RBFOX1: variants seen among roughly 807,000 people sequenced by gnomAD.
The protein encoded by RBFOX1 is RNA binding fox-1 homolog 1, also known as RNA binding protein fox-1 homolog 1.
In RBFOX1, 8 loss-of-function variants were observed where a neutral mutation model predicts 57.7. The observed-to-expected ratio is 0.14, with a 90% CI of 0.08 to 0.25. The LOEUF is 0.25. Ranked by LOEUF, RBFOX1 falls within the 10% of genes least tolerant of loss-of-function variation. The pLI, the probability that RBFOX1 is intolerant of heterozygous loss-of-function variation, is 1.00. For synonymous variants in RBFOX1, 326 were observed against 222.4 expected (o/e 1.47, Z -4.15); for missense variants, 611 against 548.5 (o/e 1.11, Z -1.14).
chr16:5,436,923 C>T (rs1216515782), intron 1 of RBFOX1, among the ~76,000 whole-genome samples: 1 of 152,146 alleles, frequency 6.6e-6, no homozygotes, highest in Non-Finnish European at 1.5e-5. Flanking sequence ...ATGTCAGTCT[C>T]AAGAGTCTTT....
At chr16:7,388,165 A>T (rs2097916233) in intron 4 of RBFOX1, among the ~76,000 whole-genome samples, 1 of 152,132 alleles carries the variant, frequency 6.6e-6, no homozygotes, top group Non-Finnish European at 1.5e-5. Flanking sequence ...CTGATCTCAG[A>T]TTGCATGGAG....
chr16:7,639,852 C>A (rs1267263846), intron 11 of RBFOX1, among the ~76,000 whole-genome samples: 1 of 152,138 alleles, frequency 6.6e-6, no homozygotes, highest in Non-Finnish European at 1.5e-5. Flanking sequence ...GCCATGCTCT[C>A]CCTGCCACCT....
chr16:6,955,124 C>T (rs1323757364), intron 3 of RBFOX1, among the ~76,000 whole-genome samples: 1 of 151,472 alleles, frequency 6.6e-6, no homozygotes, highest in Non-Finnish European at 1.5e-5. Flanking sequence ...GCCTGTAGTC[C>T]CAGCTACTTG....
chr16:5,342,764 C>T (rs1283954102), intron 1 of RBFOX1, among the ~76,000 whole-genome samples: 1 of 152,182 alleles, frequency 6.6e-6, no homozygotes, highest in Non-Finnish European at 1.5e-5. Flanking sequence ...TCCAAACCTT[C>T]ATTAAGATTG....
chr16:7,479,156 G>C (rs1490093710), intron 4 of RBFOX1, among the ~76,000 whole-genome samples: 4 of 151,472 alleles, frequency 2.6e-5, no homozygotes, highest in Admixed American at 6.6e-5. Flanking sequence ...CAGGGTCTCG[G>C]TCTGTTGCCT....
chr16:5,702,471 G>C (rs1051877930), intron 3 of RBFOX1, among the ~76,000 whole-genome samples: 1 of 152,138 alleles, frequency 6.6e-6, no homozygotes, highest in South Asian at 2.1e-4. Flanking sequence ...ATATCACCTT[G>C]GTAATCAATT....
intron 4 of RBFOX1, among the ~76,000 whole-genome samples, chr16:7,178,264 G>A (rs980190612): frequency 2.0e-5 from 3 of 152,178 alleles, no homozygotes; most frequent in South Asian, 4.1e-4. Flanking sequence ...TCAGCCTGTC[G>A]CTTTAGTTTC....
intron 5 of RBFOX1, among the ~76,000 whole-genome samples, chr16:7,520,209 A>C (rs2152234881): frequency 6.6e-6 from 1 of 152,302 alleles, no homozygotes; most frequent in African/African-American, 2.4e-5. Flanking sequence ...TTTTAAAAAA[A>C]TGGTATACAT....
intron 4 of RBFOX1, among the ~76,000 whole-genome samples, chr16:7,404,028 C>CTTTTATTTTATTTCCTTTTA (rs2098291369): frequency 1.5e-5 from 2 of 129,964 alleles, no homozygotes; most frequent in Non-Finnish European, 3.2e-5. Context: ...ATTTCATTTC[C>CTTTTATTTTATTTCCTTTTA]TTTTATTTTA....
intron 2 of RBFOX1, among the ~76,000 whole-genome samples, chr16:6,524,318 C>G (rs2096549294): frequency 6.6e-6 from 1 of 152,198 alleles, no homozygotes; most frequent in South Asian, 2.1e-4. Flanking sequence ...TTGCAAATGA[C>G]TGTATCTCGT....
chr16:6,599,883 C>T (rs2097828637), intron 2 of RBFOX1, among the ~76,000 whole-genome samples: 1 of 152,188 alleles, frequency 6.6e-6, no homozygotes, highest in African/African-American at 2.4e-5. Context: ...TAGAACAGCA[C>T]CCTGCACATA....
chr16:6,898,851 G>A (rs1034054579), intron 3 of RBFOX1, among the ~76,000 whole-genome samples: 1 of 150,038 alleles, frequency 6.7e-6, no homozygotes, highest in East Asian at 2.0e-4. Context: ...GCATGTGTAT[G>A]TGTAATATAT....
rs146965622 is a variant in RBFOX1, at chr16:5,415,517, C to T, written c.220-51699C>T. Among the ~76,000 whole-genome samples the T allele has an allele frequency of 1.6e-3, 249 of 152,328 alleles. 9 individuals carry two copies. In the South Asian group the frequency reaches 0.049, roughly 30 times the overall value. ...CTGGGTTGCAAACTCAGGGATCCAACTCCAGGACCTGCTCTCCTCATTGTA... is the reference window on the plus strand; with the variant it reads ...CTGGGTTGCAAACTCAGGGATCCAATTCCAGGACCTGCTCTCCTCATTGTA... On this transcript the variant is annotated intron_variant, in intron 1 of 2. Coordinates refer to the RBFOX1 transcript ENST00000585867.
intron 2 of RBFOX1, among the ~76,000 whole-genome samples, chr16:5,577,974 AC>A (rs2046524943): frequency 5.8e-5 from 2 of 34,236 alleles, no homozygotes; most frequent in African/African-American, 1.7e-4. Flanking sequence ...TTCTTTTGAG[AC>A]AGAGTCTCTC....
intron 1 of RBFOX1, among the ~76,000 whole-genome samples, chr16:6,081,687 CTT>C (rs1207216471): frequency 1.3e-5 from 2 of 152,118 alleles, no homozygotes; most frequent in Non-Finnish European, 2.9e-5. Context: ...TTGAAACTGA[CTT>C]TTAAATGAAA....
chr16:5,668,772 A>C (rs566088215), intron 3 of RBFOX1, among the ~76,000 whole-genome samples: 2 of 152,126 alleles, frequency 1.3e-5, no homozygotes, highest in Non-Finnish European at 2.9e-5. Context: ...GGTCTAACAT[A>C]TGAGGTCATT....
chr16:6,926,008 T>C (rs1313548852), intron 3 of RBFOX1, among the ~76,000 whole-genome samples: 2 of 152,078 alleles, frequency 1.3e-5, no homozygotes, highest in Non-Finnish European at 2.9e-5. Context: ...CTGTCTATGC[T>C]CAAAAACCTC....
chr16:6,594,315 G>C (rs2097755767), intron 2 of RBFOX1, among the ~76,000 whole-genome samples: 1 of 152,158 alleles, frequency 6.6e-6, no homozygotes, highest in Non-Finnish European at 1.5e-5. Context: ...GACCCTGGGA[G>C]GCCGACAAGA....
At chr16:5,503,216 C>G (rs1464984739) in intron 2 of RBFOX1, among the ~76,000 whole-genome samples, 1 of 152,118 alleles carries the variant, frequency 6.6e-6, no homozygotes, top group Non-Finnish European at 1.5e-5. Flanking sequence ...TGTGCAGTAC[C>G]CCATGTATCT....
Sources: allele counts gnomAD v4.1 joint callset (sites outside exome capture counted in the v4.1 genomes callset), GRCh38; gene constraint gnomAD v4.1.1; transcripts MANE v1.5; gene names NCBI Gene and HGNC (gene_info 2026-07-23, HGNC 2026-07-21).